Variants in MAP2 observed in about 807,000 individuals in gnomAD.
The protein encoded by MAP2 is microtubule-associated protein 2.
Under a neutral mutation model 137.6 loss-of-function variants are expected in MAP2, and 14 were observed. The ratio of observed to expected loss-of-function variants is 0.10; its 90% CI spans 0.07 to 0.16. The LOEUF is 0.16. MAP2 is among the 10% of genes least tolerant of loss of function. MAP2 has a pLI of 1.00. For synonymous variants in MAP2, 786 were observed against 782.3 expected (o/e 1.00, Z -0.08); for missense variants, 2,088 against 2,191.5 (o/e 0.95, Z 0.94).
intron 2 of MAP2, among the ~76,000 whole-genome samples, chr2:209,532,240 G>GAAAA (rs796126529): frequency 1.4e-5 from 1 of 72,672 alleles, no homozygotes; most frequent in African/African-American, 4.3e-5. Flanking sequence ...CCAGTCTCAG[G>GAAAA]AAAAAAAAAA....
Position 209,732,371 on chromosome 2 carries a change from T to A in MAP2, c.*1974T>A, listed in dbSNP as rs779059349. ...ACCACTCATTCTCAGCTAAGAGATT[T>A]TACACAGGCAAACGTGTCTTAAACC... On this transcript the variant is annotated 3_prime_UTR_variant, in exon 16 of 16. Transcript: ENST00000682079. 19 of 152,232 alleles carry A rather than the reference T, an allele frequency of 1.2e-4. No homozygotes were observed. The highest frequency in any genetic ancestry group is 2.5e-4 in the Non-Finnish European group (17 of 68,054). 9.4% of individuals were successfully genotyped at this position (152,232 alleles called of 1,614,324 possible). A position where few individuals can be genotyped will look rare whatever the true frequency, so the allele number is the denominator to read the frequency against.
chr2:209,641,727 G>A lies in MAP2; in HGVS notation c.-29-11415G>A, dbSNP rs113972419. ...AAAAAAGAAAAAAAAATTACTGGTA[G>A]AGACTAAAGCTCTAAAGCATTTTAA... On this transcript the variant is annotated intron_variant, in intron 4 of 15. Transcript: ENST00000682079. Among the ~76,000 whole-genome samples the A allele has an allele frequency of 2.1e-3, 322 of 151,960 alleles. 3 individuals are homozygous for A. The highest frequency in any genetic ancestry group is 6.8e-3 in the African/African-American group (284 of 41,460).
intron 7 of MAP2, among the ~76,000 whole-genome samples, chr2:209,685,015 TCA>T (rs910741029): frequency 1.3e-4 from 19 of 150,790 alleles, no homozygotes; most frequent in African/African-American, 4.6e-4. Flanking sequence ...CTTGGCATTT[TCA>T]CAGATATCTT....
intron 1 of MAP2, among the ~76,000 whole-genome samples, chr2:209,498,162 G>A (rs539501630): frequency 4.6e-5 from 7 of 152,314 alleles, no homozygotes; most frequent in Non-Finnish European, 8.8e-5. Flanking sequence ...GAAGAAATTG[G>A]CCAAAGGAAA....
At chr2:209,438,889 T>C (rs1219377794) in intron 1 of MAP2, among the ~76,000 whole-genome samples, 1 of 151,156 alleles carries the variant, frequency 6.6e-6, no homozygotes, top group African/African-American at 2.4e-5. Context: ...TTTGGATAAC[T>C]ACATTATATT....
intron 1 of MAP2, among the ~76,000 whole-genome samples, chr2:209,496,951 A>T (rs1424454176): frequency 1.1e-5 from 1 of 92,594 alleles, no homozygotes; most frequent in South Asian, 2.8e-4. Context: ...GGCTAATTTA[A>T]AAAAAAAAAT....
At chr2:209,644,128 C>A (rs1365490007) in intron 4 of MAP2, among the ~76,000 whole-genome samples, 1 of 152,146 alleles carries the variant, frequency 6.6e-6, no homozygotes, top group Non-Finnish European at 1.5e-5. Context: ...TGTGTTGGAG[C>A]TAATTGACTG....
chr2:209,584,364 C>A (rs1328224865), intron 3 of MAP2, among the ~76,000 whole-genome samples: 1 of 152,098 alleles, frequency 6.6e-6, no homozygotes, highest in Non-Finnish European at 1.5e-5. Flanking sequence ...TGGGAAAGCA[C>A]AGACTGATCT....
chr2:209,528,831 T>A (rs1450750551), intron 2 of MAP2, among the ~76,000 whole-genome samples: 2 of 151,286 alleles, frequency 1.3e-5, no homozygotes. Flanking sequence ...TATATGTACA[T>A]ATGTATGTAT....
At chr2:209,650,216 A>G (rs1293955199) in intron 4 of MAP2, among the ~76,000 whole-genome samples, 1 of 152,210 alleles carries the variant, frequency 6.6e-6, no homozygotes, top group Non-Finnish European at 1.5e-5. Flanking sequence ...AACATGGACT[A>G]AAGTACAAAC....
intron 5 of MAP2, among the ~76,000 whole-genome samples, chr2:209,660,385 ATTTTTTTTTTTT>A (rs869139522): frequency 3.1e-5 from 2 of 64,210 alleles, no homozygotes; most frequent in African/African-American, 1.1e-4. Context: ...TGTTGCTGCA[ATTTTTTTTTTTT>A]TTTTTTTTTT....
At chr2:209,519,883 T>G (rs2064034016) in intron 2 of MAP2, among the ~76,000 whole-genome samples, 1 of 152,002 alleles carries the variant, frequency 6.6e-6, no homozygotes, top group African/African-American at 2.4e-5. Context: ...GTAACTTGAT[T>G]GTTGGGTAAA....
intron 2 of MAP2, among the ~76,000 whole-genome samples, chr2:209,515,829 C>T (rs1323311448): frequency 6.6e-6 from 1 of 152,074 alleles, no homozygotes; most frequent in Non-Finnish European, 1.5e-5. Flanking sequence ...TTCTGTCACC[C>T]AGGCTAAAGT....
chr2:209,663,284 AT>A (rs888487554), intron 5 of MAP2, among the ~76,000 whole-genome samples: 3 of 152,116 alleles, frequency 2.0e-5, no homozygotes, highest in African/African-American at 7.2e-5. Context: ...TGGAAATCAT[AT>A]CAGGAGAGGA....
At chr2:209,554,363 T>A (rs555414293) in intron 2 of MAP2, among the ~76,000 whole-genome samples, 1 of 152,186 alleles carries the variant, frequency 6.6e-6, no homozygotes, top group Non-Finnish European at 1.5e-5. Context: ...CTAGGACTGG[T>A]CTTCTCCACT....
chr2:209,439,028 A>G (rs61491315), intron 1 of MAP2, among the ~76,000 whole-genome samples: 20,637 of 151,410 alleles, frequency 0.14, 3,466 homozygotes, highest in African/African-American at 0.4. Context: ...TTGCCATTTA[A>G]CTGCATAAAA....
intron 2 of MAP2, among the ~76,000 whole-genome samples, chr2:209,573,478 G>A (rs781285376): frequency 6.6e-6 from 1 of 151,764 alleles, no homozygotes. Flanking sequence ...ATTTTTAGTA[G>A]AGACAGGGTT....
intron 2 of MAP2, among the ~76,000 whole-genome samples, chr2:209,512,685 G>A (rs549680497): frequency 1.3e-5 from 2 of 151,712 alleles, no homozygotes; most frequent in Admixed American, 6.6e-5. Flanking sequence ...TCTGTTGCCC[G>A]GACTGGAATG....
chr2:209,449,083 G>A (rs1575095249), intron 1 of MAP2, among the ~76,000 whole-genome samples: 1 of 152,206 alleles, frequency 6.6e-6, no homozygotes, highest in African/African-American at 2.4e-5. Flanking sequence ...CCCTGACTTC[G>A]CACATGATTT....
Sources: gnomAD v4.1 joint callset for allele counts (sites outside exome capture counted in the v4.1 genomes callset) on GRCh38, gnomAD v4.1.1 for gene constraint, MANE v1.5 for transcripts, NCBI Gene and HGNC (gene_info 2026-07-23, HGNC 2026-07-21) for gene names.